NRP2: variants seen among roughly 807,000 people sequenced by gnomAD.
NRP2 encodes the protein neuropilin-2.
In NRP2, 52 loss-of-function variants were observed where a neutral mutation model predicts 110.4. That is an observed-to-expected ratio of 0.47 (90% CI 0.38 to 0.59). NRP2 has a LOEUF of 0.59. Ranked by LOEUF, NRP2 falls within the 20% of genes least tolerant of loss-of-function variation. The pLI is 0.00. For missense variants in NRP2, 1,049 were observed against 1,203.0 expected (o/e 0.87, Z 1.89); for synonymous variants, 508 against 468.9 (o/e 1.08, Z -1.08).
intron 16 of NRP2, 90 bp downstream of exon 16, chr2:205,792,375 G>T: frequency 1.1e-6 from 1 of 903,372 alleles, no homozygotes; most frequent in Non-Finnish European, 1.9e-6. Context: ...GTATCGGAGG[G>T]CCCAAATCTA....
chr2:205,773,026 T>C (rs1275729248), intron 15 of NRP2, among the ~76,000 whole-genome samples: 1 of 152,224 alleles, frequency 6.6e-6, no homozygotes, highest in Non-Finnish European at 1.5e-5. Context: ...CACCTATCTA[T>C]TCATCCATCC....
At chr2:205,780,676 G>A (rs1446672263) in intron 15 of NRP2, among the ~76,000 whole-genome samples, 1 of 152,150 alleles carries the variant, frequency 6.6e-6, no homozygotes, top group African/African-American at 2.4e-5. Flanking sequence ...TAAAGGTCCT[G>A]AGAAAATGTA....
At chr2:205,701,028 G>A (rs1437342215) in intron 2 of NRP2, 1 of 209,764 alleles carries the variant, frequency 4.8e-6, no homozygotes, top group Non-Finnish European at 9.8e-6. Flanking sequence ...GGCAGACAGA[G>A]GCCTTTCGCT....
At position 205,765,138 on chromosome 2, in the gene NRP2, G is replaced by A. The variant is rs547222006; in HGVS notation, c.2308-336G>A. Among the ~76,000 whole-genome samples the A allele has an allele frequency of 3.2e-3, 489 of 152,250 alleles. 3 individuals are homozygous for A. Among genetic ancestry groups the A allele is most frequent in the Non-Finnish European group, 4.8e-3 (329 of 68,026 alleles). On this transcript the variant is annotated intron_variant, in intron 13 of 16. Coordinates refer to ENST00000357785, the MANE Select transcript of NRP2 (RefSeq NM_003872.3). ...GAAAGATTTATGAGACAGGAACCTCGAAAATAGTGAGGGAAGTTTCAACCC... is the reference window on the plus strand; with the variant it reads ...GAAAGATTTATGAGACAGGAACCTCAAAAATAGTGAGGGAAGTTTCAACCC...
At chr2:205,754,917 T>A (rs2057709953) in intron 12 of NRP2, among the ~76,000 whole-genome samples, 1 of 152,218 alleles carries the variant, frequency 6.6e-6, no homozygotes, top group Non-Finnish European at 1.5e-5. Flanking sequence ...ATTCAGTGTC[T>A]GTCCTCAGGT....
chr2:205,755,146 C>A (rs2057713557), intron 12 of NRP2, among the ~76,000 whole-genome samples: 1 of 152,162 alleles, frequency 6.6e-6, no homozygotes, highest in African/African-American at 2.4e-5. Flanking sequence ...CACCCGAAAG[C>A]CCCTATGGTT....
In NRP2 at chr2:205,716,189, C is replaced by T. The variant is rs908897178; in HGVS notation, c.252-4C>T. ...CTTTTCTTGTCTGTGCCATCCCCAC[C>T]CAGGTATGACTTTATCGAGATTCGG... On this transcript the variant is annotated splice_region_variant and splice_polypyrimidine_tract_variant and intron_variant, in intron 2 of 16. Transcript: ENST00000357785. 6.2e-7 allele frequency: 1 copy of T among 1,614,152 alleles called. No individual in the cohort carries two copies. The highest frequency in any genetic ancestry group is 8.5e-7 in the Non-Finnish European group (1 of 1,180,006).
chr2:205,790,567 C>A lies in NRP2; in HGVS notation c.2426-1668C>A, dbSNP rs917895651. Among the ~76,000 whole-genome samples, 4 of 151,976 alleles carry A rather than the reference C, an allele frequency of 2.6e-5. No individual in the cohort carries two copies. The East Asian group carries it at 7.8e-4, about 29-fold the overall frequency. ...CATATTCTTATCCAGTGTTCTGCCT[C>A]TTTTACTGGTGAAGATGTTAAGACA... On this transcript the variant is annotated intron_variant, in intron 15 of 16. Transcript: ENST00000357785.
At chr2:205,745,983 G>A in intron 10 of NRP2, 93 bp downstream of exon 10, 3 of 1,437,464 alleles carry the variant, frequency 2.1e-6, no homozygotes, top group Non-Finnish European at 1.9e-6. Flanking sequence ...GGAGGGGGCA[G>A]CCATCCCAGG....
At chr2:205,704,082 G>A (rs969322771) in intron 2 of NRP2, among the ~76,000 whole-genome samples, 4 of 152,078 alleles carry the variant, frequency 2.6e-5, no homozygotes, top group Admixed American at 1.3e-4. Context: ...TATGTCCAGC[G>A]ACCTCCCCCA....
chr2:205,794,381 A>G (rs2058332970), intron 16 of NRP2, among the ~76,000 whole-genome samples: 2 of 152,184 alleles, frequency 1.3e-5, no homozygotes, highest in South Asian at 4.1e-4. Context: ...AAGTGCTGGG[A>G]TTACAGGCGT....
rs1406835192 is a variant in NRP2 at position 205,740,549 on chromosome 2, G to T, written c.1177G>T (p.Val393Leu). The T allele has an allele frequency of 1.2e-6, 2 of 1,614,194 alleles. No homozygotes were observed. The highest frequency in any genetic ancestry group is 2.2e-5 in the South Asian group (2 of 91,068). ...VFQANNDATE[V>L]VLNKLHAPLL... ...TCAAGCCAACAACGATGCAACTGAG[G>T]TGGTTCTGAACAAGCTCCACGCTCC... Residue 393 changes from valine to leucine, a missense_variant, in exon 8 of 17, where the codon GTG becomes TTG. By Grantham distance (32) the Val-to-Leu change is conservative. Coordinates refer to ENST00000357785, the MANE Select transcript of NRP2 (RefSeq NM_003872.3).
At chr2:205,787,195 G>A (rs2105967687) in intron 15 of NRP2, among the ~76,000 whole-genome samples, 1 of 152,254 alleles carries the variant, frequency 6.6e-6, no homozygotes, top group Admixed American at 6.5e-5. Flanking sequence ...TGACACCTGA[G>A]GCAGAACCAC....
chr2:205,763,601 G>A lies in NRP2; in HGVS notation c.2045-73G>A, dbSNP rs1350847459. 6.2e-7 allele frequency: 1 copy of A among 1,600,302 alleles called. No homozygotes were observed. Among genetic ancestry groups the A allele is most frequent in the Non-Finnish European group, 8.6e-7 (1 of 1,169,010 alleles). On this transcript the variant is annotated intron_variant, in intron 12 of 16. Transcript: ENST00000357785. This position sits in a 1 kb window ranked among gnomAD's most constrained non-coding sequence, Gnocchi z 4.0. ...AACTCAGTCCCAACTTTCCCTTGGA[G>A]AGGCCACAGCAGCACACTGGTGTCT...
rs185912057 is a variant in NRP2, at chr2:205,735,476, T to C, written c.1147-5043T>C. On this transcript the variant is annotated intron_variant, in intron 7 of 16. Coordinates refer to ENST00000357785, the MANE Select transcript of NRP2 (RefSeq NM_003872.3). ...GATTTTATATATATATATAATTATATATATAATGTATATTATAGAATATAT... is the reference window on the plus strand; with the variant it reads ...GATTTTATATATATATATAATTATACATATAATGTATATTATAGAATATAT... Among the ~76,000 whole-genome samples the C allele has an allele frequency of 2.7e-5, 4 of 148,180 alleles. No homozygotes were observed. In the East Asian group the frequency reaches 7.8e-4, roughly 29 times the overall value.
chr2:205,766,678 G>A lies in NRP2; in HGVS notation c.2405-105G>A, dbSNP rs555370892. The A allele has an allele frequency of 3.0e-4, 313 of 1,056,166 alleles. 2 individuals are homozygous for A. The highest frequency in any genetic ancestry group is 1.9e-3 in the Middle Eastern group (7 of 3,756). 65.4% of individuals were successfully genotyped at this position (1,056,166 alleles called of 1,614,324 possible). A position where few individuals can be genotyped will look rare whatever the true frequency, so the allele number is the denominator to read the frequency against. On this transcript the variant is annotated intron_variant, in intron 14 of 16. Coordinates refer to ENST00000357785, the MANE Select transcript of NRP2 (RefSeq NM_003872.3). ...CTCCATGGAGTGGTACAAAAAAACCGAGTGCAGTCATGTTTATCATCATAT... is the reference window on the plus strand; with the variant it reads ...CTCCATGGAGTGGTACAAAAAAACCAAGTGCAGTCATGTTTATCATCATAT...
chr2:205,779,735 T>G (rs1327770892), intron 15 of NRP2: 3 of 152,208 alleles, frequency 2.0e-5, no homozygotes, highest in Non-Finnish European at 4.4e-5. Context: ...TTTTTTTCCC[T>G]TTGCCTGTGA....
intron 10 of NRP2, among the ~76,000 whole-genome samples, chr2:205,749,360 A>G (rs2057599241): frequency 6.6e-6 from 1 of 152,216 alleles, no homozygotes; most frequent in South Asian, 2.1e-4. Context: ...ATTCCCGTCC[A>G]TCCAGTTTTG....
intron 1 of NRP2, among the ~76,000 whole-genome samples, chr2:205,695,278 A>G (rs1375802821): frequency 6.6e-6 from 1 of 152,182 alleles, no homozygotes; most frequent in Non-Finnish European, 1.5e-5. Flanking sequence ...GCTATGGGAT[A>G]TATATATAGT....
Sources: gnomAD v4.1 joint callset for allele counts (sites outside exome capture counted in the v4.1 genomes callset) on GRCh38, gnomAD v4.1.1 for gene constraint, Gnocchi (gnomAD v3.1) non-coding constraint, MANE v1.5 for transcripts, NCBI Gene and HGNC (gene_info 2026-07-23, HGNC 2026-07-21) for gene names.